The following RUBCN variants were observed in gnomAD, a reference collection of about 807,000 sequenced individuals.
The protein encoded by RUBCN is run domain Beclin-1-interacting and cysteine-rich domain-containing protein.
RUBCN carries 74 observed loss-of-function variants against 113.2 expected under a neutral mutation model. The ratio of observed to expected loss-of-function variants is 0.65; its 90% CI spans 0.54 to 0.79. The LOEUF (loss-of-function observed/expected upper bound fraction) is 0.79, where lower values mean the gene tolerates loss of function less well. Among genes scored for constraint, RUBCN ranks in the 30% least tolerant of loss-of-function variants. RUBCN has a pLI of 0.00. For missense variants in RUBCN, 1,109 were observed against 1,251.7 expected (o/e 0.89, Z 1.72); for synonymous variants, 480 against 490.0 (o/e 0.98, Z 0.27).
rs1403132228 is a variant in RUBCN, at chr3:197,701,826, CTTT to C, written c.606_608del (p.Lys203del). ...TGGGCAGGGCTGTCAGGCTCTGGCT[CTTT>C]GTCACCAGGAGCGGGCTCTCGTGCT... is the stretch of plus-strand genomic sequence containing the variant. On this transcript the variant is annotated inframe_deletion, in exon 6 of 20. Coordinates refer to ENST00000296343, the MANE Select transcript of RUBCN (RefSeq NM_014687.4). 1 of 1,614,052 alleles carries C rather than the reference CTTT, an allele frequency of 6.2e-7. No homozygotes were observed. The highest frequency in any genetic ancestry group is 8.5e-7 in the Non-Finnish European group (1 of 1,180,046).
chr3:197,707,069 C>T (rs991746897), intron 2 of RUBCN, among the ~76,000 whole-genome samples: 5 of 143,502 alleles, frequency 3.5e-5, no homozygotes, highest in African/African-American at 6.0e-5. Flanking sequence ...TGTGGCCGGG[C>T]GCGGTGGCTC....
chr3:197,670,515 CTGGAAATCAAGCTT>C lies in RUBCN; in HGVS notation c.*4489_*4502del, dbSNP rs1719689181. Among the ~76,000 whole-genome samples, 1 of 152,178 alleles carries C rather than the reference CTGGAAATCAAGCTT, an allele frequency of 6.6e-6. No individual in the cohort carries two copies. Among genetic ancestry groups the C allele is most frequent in the Non-Finnish European group, 1.5e-5 (1 of 68,038 alleles). ...TTGAGAACAGAAGTTTGGGAACTTA[CTGGAAATCAAGCTT>C]TGGCTTCCTGTGAACTACACCAGTT... On this transcript the variant is annotated 3_prime_UTR_variant, in exon 20 of 20. Coordinates refer to ENST00000296343, the MANE Select transcript of RUBCN (RefSeq NM_014687.4).
intron 11 of RUBCN, among the ~76,000 whole-genome samples, chr3:197,692,013 C>A (rs1191004977): frequency 6.6e-6 from 1 of 151,976 alleles, no homozygotes; most frequent in Admixed American, 6.5e-5. Context: ...TGAGGAGACT[C>A]CTGGCAGGCC....
chr3:197,721,422 T>C (rs1259324516), intron 1 of RUBCN, among the ~76,000 whole-genome samples: 2 of 152,226 alleles, frequency 1.3e-5, no homozygotes, highest in East Asian at 3.8e-4. Context: ...CCTCTAGTGA[T>C]TCTTCATAGT....
At position 197,674,865 on chromosome 3, in the gene RUBCN, CGTCAGA is replaced by C; in HGVS notation, c.*147_*152del. ...CTGCCGACGGCTGACTGCACACAGACGTCAGACAAGTCAGTAAAAAAAAAAAAAAAG... is the reference window on the plus strand; with the variant it reads ...CTGCCGACGGCTGACTGCACACAGACCAAGTCAGTAAAAAAAAAAAAAAAG... On this transcript the variant is annotated 3_prime_UTR_variant, in exon 20 of 20. Coordinates refer to ENST00000296343, the MANE Select transcript of RUBCN (RefSeq NM_014687.4). 1.6e-6 allele frequency: 1 copy of C among 627,852 alleles called. No individual in the cohort carries two copies. The highest frequency in any genetic ancestry group is 2.5e-6 in the Non-Finnish European group (1 of 397,844). The allele number at this position is 627,852 out of a possible 1,614,324, so 38.9% of individuals were successfully genotyped here. A position where few individuals can be genotyped will look rare whatever the true frequency, so the allele number is the denominator to read the frequency against.
At chr3:197,690,930 GCTCCAGTTTC>G in intron 11 of RUBCN, 1 of 410,052 alleles carries the variant, frequency 2.4e-6, no homozygotes, top group Admixed American at 2.8e-5. Flanking sequence ...TTCTGGCTTA[GCTCCAGTTTC>G]TTCCAACTAG....
At chr3:197,722,200 T>C (rs913294383) in intron 1 of RUBCN, among the ~76,000 whole-genome samples, 2 of 151,244 alleles carry the variant, frequency 1.3e-5, no homozygotes, top group Non-Finnish European at 2.9e-5. Context: ...ATTGCACCAC[T>C]GCACTCCAGC....
intron 1 of RUBCN, among the ~76,000 whole-genome samples, chr3:197,730,987 A>G (rs932762236): frequency 1.5e-5 from 2 of 137,438 alleles, no homozygotes; most frequent in African/African-American, 5.5e-5. Flanking sequence ...TGTTAACTAG[A>G]GGTTTTTTGT....
At chr3:197,686,533 C>A (rs978234403) in intron 11 of RUBCN, among the ~76,000 whole-genome samples, 1 of 152,230 alleles carries the variant, frequency 6.6e-6, no homozygotes, top group African/African-American at 2.4e-5. Context: ...TGGGCCTGCG[C>A]TGCAGCCCTC....
chr3:197,697,667 A>T (rs755825768), intron 7 of RUBCN, among the ~76,000 whole-genome samples: 5 of 152,194 alleles, frequency 3.3e-5, no homozygotes, highest in Non-Finnish European at 7.4e-5. Flanking sequence ...TGGGACAGGA[A>T]GAGCGAGAGC....
At chr3:197,733,939 G>A (rs1727808595) in intron 1 of RUBCN, among the ~76,000 whole-genome samples, 1 of 152,162 alleles carries the variant, frequency 6.6e-6, no homozygotes, top group Non-Finnish European at 1.5e-5. Context: ...CATAGTGAGA[G>A]GCAGCATAGG....
At position 197,683,534 on chromosome 3, in the gene RUBCN, T is replaced by C. The variant is rs926150948; in HGVS notation, c.1848-95A>G. The C allele has an allele frequency of 1.4e-5, 21 of 1,456,188 alleles. No individual in the cohort carries two copies. Among genetic ancestry groups the C allele is most frequent in the Non-Finnish European group, 1.9e-5 (20 of 1,052,532 alleles). 90.2% of individuals were successfully genotyped at this position (1,456,188 alleles called of 1,614,324 possible). A position where few individuals can be genotyped will look rare whatever the true frequency, so the allele number is the denominator to read the frequency against. ...ATCTCATCCCCCACGCAGCAACTTC[T>C]GGGCTGGAAGAACACCCGCAGCACC... On this transcript the variant is annotated intron_variant, in intron 12 of 19. Transcript: ENST00000296343. The surrounding 1 kb of genome is among the most constrained non-coding windows in gnomAD (Gnocchi z 4.6).
intron 16 of RUBCN, 100 bp from the exon 17 acceptor site, chr3:197,677,641 C>T (rs1560399588): frequency 3.8e-6 from 4 of 1,050,476 alleles, no homozygotes; most frequent in Admixed American, 1.8e-5. Context: ...TTCTAGAAGC[C>T]TTGCATGCTG....
In RUBCN at chr3:197,684,044, C is replaced by T. The variant is rs56275508; in HGVS notation, c.1847+113G>A. On this transcript the variant is annotated intron_variant, in intron 12 of 19. Transcript: ENST00000296343. ...ATCAGCAAGCCCCTCCCTTTAACCTCGCCTCCTCTTACATCTGGATGGCTT... is the reference window on the plus strand; with the variant it reads ...ATCAGCAAGCCCCTCCCTTTAACCTTGCCTCCTCTTACATCTGGATGGCTT... 8.6e-3 allele frequency: 7,182 copies of T among 833,030 alleles called. 313 individuals are homozygous for T. In the African/African-American group the frequency reaches 0.1, roughly 12 times the overall value. The allele number at this position is 833,030 out of a possible 1,614,324, so 51.6% of individuals were successfully genotyped here. A position where few individuals can be genotyped will look rare whatever the true frequency, so the allele number is the denominator to read the frequency against.
chr3:197,700,843 C>T lies in RUBCN; in HGVS notation c.1031G>A (p.Ser344Asn). Residue 344 changes from serine (S) to asparagine (N), a missense_variant, in exon 7 of 20, where the codon AGC becomes AAC. Ser to Asn is a conservative substitution (Grantham distance 46). This residue lies in a region of RUBCN where 736 missense variants were observed against 779.6 expected (regional missense o/e 0.94). Transcript: ENST00000296343. ...ATTGGAACTGCTGCTCTCGGCATTG[C>T]TGCTGTGACTCTGACAGCTGGCAGT... ...GRTASCQSHS[S>N]NAESSSSNLF... 1 of 1,614,166 alleles carries T rather than the reference C, an allele frequency of 6.2e-7. No individual in the cohort carries two copies. The highest frequency in any genetic ancestry group is 8.5e-7 in the Non-Finnish European group (1 of 1,180,036).
At chr3:197,682,394 G>A in intron 14 of RUBCN, 76 bp downstream of exon 14, 1 of 1,558,368 alleles carries the variant, frequency 6.4e-7, no homozygotes, top group Non-Finnish European at 8.8e-7. Context: ...GCAGGGACAA[G>A]TGGGTGAGAC....
chr3:197,688,357 C>T (rs1036079758), intron 11 of RUBCN, among the ~76,000 whole-genome samples: 8 of 152,164 alleles, frequency 5.3e-5, no homozygotes, highest in Non-Finnish European at 1.0e-4. Context: ...CTGCCCGCCT[C>T]GGCCTCCCAA....
At chr3:197,731,665 C>T (rs1283965200) in intron 1 of RUBCN, among the ~76,000 whole-genome samples, 1 of 151,522 alleles carries the variant, frequency 6.6e-6, no homozygotes, top group Non-Finnish European at 1.5e-5. Context: ...GCTGGCCGGG[C>T]AGAGGGGCTC....
At chr3:197,708,803 G>A (rs1451210316) in intron 2 of RUBCN, among the ~76,000 whole-genome samples, 1 of 152,124 alleles carries the variant, frequency 6.6e-6, no homozygotes, top group Non-Finnish European at 1.5e-5. Flanking sequence ...GCACTTTGAG[G>A]AAATGACTGT....
Sources: allele counts gnomAD v4.1 joint callset (sites outside exome capture counted in the v4.1 genomes callset), GRCh38; gene constraint gnomAD v4.1.1; regional missense constraint gnomAD v4.1.1; non-coding constraint Gnocchi (gnomAD v3.1); transcripts MANE v1.5; gene names NCBI Gene and HGNC (gene_info 2026-07-23, HGNC 2026-07-21).